MYT1L: variants seen among roughly 807,000 people sequenced by gnomAD.
MYT1L encodes myelin transcription factor 1 like.
MYT1L carries 12 observed loss-of-function variants against 126.7 expected under a neutral mutation model. The observed-to-expected ratio is 0.09, with a 90% CI of 0.06 to 0.15. MYT1L has a LOEUF of 0.15. Among genes scored for constraint, MYT1L ranks in the 10% least tolerant of loss-of-function variants. MYT1L has a pLI of 1.00. For missense variants in MYT1L, 979 were observed against 1,585.2 expected (o/e 0.62, Z 6.49); for synonymous variants, 541 against 604.2 (o/e 0.90, Z 1.53).
At chr2:2,266,066 T>G (rs558306960) in intron 2 of MYT1L, among the ~76,000 whole-genome samples, 2 of 152,308 alleles carry the variant, frequency 1.3e-5, no homozygotes, top group Non-Finnish European at 2.9e-5. Flanking sequence ...CTTCACAGCC[T>G]GCTGATGCTG....
chr2:2,065,122 C>T (rs761245561), intron 3 of MYT1L, among the ~76,000 whole-genome samples: 94 of 151,882 alleles, frequency 6.2e-4, no homozygotes, highest in Non-Finnish European at 1.1e-3. Flanking sequence ...AACTTGGGCC[C>T]GGAAGATTGA....
chr2:1,865,455 C>T (rs1162267113), intron 18 of MYT1L, among the ~76,000 whole-genome samples: 1 of 152,204 alleles, frequency 6.6e-6, no homozygotes, highest in Non-Finnish European at 1.5e-5. Context: ...AGAACAAGTC[C>T]CTGAACCTTT....
chr2:1,981,830 G>A (rs528195591), intron 5 of MYT1L, among the ~76,000 whole-genome samples: 1 of 152,376 alleles, frequency 6.6e-6, no homozygotes, highest in East Asian at 1.9e-4. Context: ...GGCTTGGGCA[G>A]TGGCCTCAAC....
chr2:2,322,210 C>T (rs1434929045), intron 1 of MYT1L, among the ~76,000 whole-genome samples: 1 of 151,654 alleles, frequency 6.6e-6, no homozygotes, highest in Non-Finnish European at 1.5e-5. Context: ...AAGCAATGCC[C>T]TCTATGGCTT....
At chr2:2,202,750 G>A (rs1235010521) in intron 2 of MYT1L, among the ~76,000 whole-genome samples, 1 of 152,116 alleles carries the variant, frequency 6.6e-6, no homozygotes, top group Non-Finnish European at 1.5e-5. Context: ...GAAAAAGAGG[G>A]AATCCTCCCT....
At chr2:2,112,056 A>T (rs2079530805) in intron 3 of MYT1L, among the ~76,000 whole-genome samples, 1 of 152,122 alleles carries the variant, frequency 6.6e-6, no homozygotes, top group African/African-American at 2.4e-5. Context: ...CAAGAAACAA[A>T]CCCCAGCTTG....
chr2:2,316,786 G>A (rs1186296775), intron 1 of MYT1L, among the ~76,000 whole-genome samples: 2 of 152,062 alleles, frequency 1.3e-5, no homozygotes, highest in African/African-American at 2.4e-5. Context: ...ACATGGTCCA[G>A]TGATTTTTCT....
chr2:2,184,329 C>G (rs577330761), intron 2 of MYT1L, among the ~76,000 whole-genome samples: 1 of 152,122 alleles, frequency 6.6e-6, no homozygotes, highest in Non-Finnish European at 1.5e-5. Flanking sequence ...AAAGTAAACA[C>G]AAGACAGAGT....
intron 3 of MYT1L, among the ~76,000 whole-genome samples, chr2:2,109,650 G>A (rs2079142705): frequency 6.6e-6 from 1 of 151,832 alleles, no homozygotes; most frequent in Non-Finnish European, 1.5e-5. Flanking sequence ...GGGGAAGGAT[G>A]GAGTGGAGAG....
At chr2:2,144,870 C>T (rs2084641674) in intron 3 of MYT1L, among the ~76,000 whole-genome samples, 1 of 152,194 alleles carries the variant, frequency 6.6e-6, no homozygotes, top group African/African-American at 2.4e-5. Flanking sequence ...TTCTCTTGCT[C>T]TGCAAACCTC....
At chr2:1,986,282 A>G (rs1007318884) in intron 5 of MYT1L, among the ~76,000 whole-genome samples, 3 of 152,184 alleles carry the variant, frequency 2.0e-5, no homozygotes, top group Non-Finnish European at 4.4e-5. Context: ...CTACGCCTCT[A>G]TTTCCACATG....
At chr2:1,825,529 TAC>T (rs975007444) in intron 21 of MYT1L, 10 of 152,238 alleles carry the variant, frequency 6.6e-5, no homozygotes, top group African/African-American at 2.4e-4. Flanking sequence ...AGATTGGAAT[TAC>T]AGTCTTAGCT....
At chr2:2,308,555 A>G (rs1228753152) in intron 1 of MYT1L, among the ~76,000 whole-genome samples, 5 of 151,880 alleles carry the variant, frequency 3.3e-5, no homozygotes, top group Non-Finnish European at 7.4e-5. Flanking sequence ...TACTCCACCT[A>G]CACTTCACTA....
At chr2:1,995,673 C>T (rs1237380478) in intron 5 of MYT1L, among the ~76,000 whole-genome samples, 2 of 152,150 alleles carry the variant, frequency 1.3e-5, no homozygotes, top group African/African-American at 2.4e-5. Flanking sequence ...CGTGTGGGTT[C>T]GAAGCACAGA....
chr2:2,236,093 A>C (rs1303512544), intron 2 of MYT1L, among the ~76,000 whole-genome samples: 24 of 134,874 alleles, frequency 1.8e-4, no homozygotes, highest in South Asian at 7.4e-4. Context: ...CCAGTATGTC[A>C]CAACCCAACC....
intron 1 of MYT1L, among the ~76,000 whole-genome samples, chr2:2,319,015 T>C (rs763273794): frequency 6.6e-6 from 1 of 152,182 alleles, no homozygotes; most frequent in African/African-American, 2.4e-5. Flanking sequence ...CAAATAGTCA[T>C]TGGAATTGTC....
intron 2 of MYT1L, among the ~76,000 whole-genome samples, chr2:2,207,547 G>A (rs1029910003): frequency 1.3e-5 from 2 of 152,224 alleles, no homozygotes; most frequent in South Asian, 2.1e-4. Flanking sequence ...TTCATCAAAC[G>A]CTGTACCTTC....
chr2:1,863,285 A>G (rs572239778), intron 18 of MYT1L, among the ~76,000 whole-genome samples: 8 of 152,288 alleles, frequency 5.3e-5, no homozygotes, highest in Non-Finnish European at 7.3e-5. Context: ...AGGTGCTGCC[A>G]GCAGGCTTAG....
intron 18 of MYT1L, among the ~76,000 whole-genome samples, chr2:1,869,924 C>G (rs1475870935): frequency 6.6e-6 from 1 of 152,132 alleles, no homozygotes; most frequent in Non-Finnish European, 1.5e-5. Context: ...AGCTAGTCAC[C>G]TAATAAGTGC....
Sources: allele counts gnomAD v4.1 joint callset (sites outside exome capture counted in the v4.1 genomes callset), GRCh38; gene constraint gnomAD v4.1.1; transcripts MANE v1.5; gene names NCBI Gene and HGNC (gene_info 2026-07-23, HGNC 2026-07-21).